ANKS1B: variants seen among roughly 807,000 people sequenced by gnomAD.
ANKS1B encodes ankyrin repeat and sterile alpha motif domain-containing protein 1B.
In ANKS1B, 36 loss-of-function variants were observed where a neutral mutation model predicts 148.3. The observed-to-expected ratio is 0.24, with a 90% confidence interval of 0.19 to 0.32. ANKS1B has a LOEUF of 0.32. Ranked by LOEUF, ANKS1B falls within the 10% of genes least tolerant of loss-of-function variation. The pLI, the probability that ANKS1B is intolerant of heterozygous loss-of-function variation, is 1.00. For missense variants in ANKS1B, 1,157 were observed against 1,542.6 expected (o/e 0.75, Z 4.19); for synonymous variants, 542 against 560.8 (o/e 0.97, Z 0.47).
In ANKS1B at chr12:98,751,548, G is replaced by T. The variant is rs1211194819; in HGVS notation, c.3580-26C>A. On this transcript the variant is annotated intron_variant, in intron 25 of 26. Coordinates refer to ENST00000683438, the MANE Select transcript of ANKS1B (RefSeq NM_001352186.2). The surrounding 1 kb of genome is among the most constrained non-coding windows in gnomAD (Gnocchi z 4.3). ...CTGCAAGAAAAATGAGAAAGCATTTGCTACTGGCACACTGCAAATTAGAAT... is the reference window on the plus strand; with the variant it reads ...CTGCAAGAAAAATGAGAAAGCATTTTCTACTGGCACACTGCAAATTAGAAT... 2.5e-6 allele frequency: 4 copies of T among 1,611,476 alleles called. No individual in the cohort carries two copies. Among genetic ancestry groups the T allele is most frequent in the Non-Finnish European group, 3.4e-6 (4 of 1,178,286 alleles).
chr12:99,717,930 G>A (rs1257673005), intron 8 of ANKS1B, among the ~76,000 whole-genome samples: 3 of 135,146 alleles, frequency 2.2e-5, no homozygotes, highest in Non-Finnish European at 4.7e-5. Context: ...TTGAGACGGA[G>A]TCTCGCTCTG....
intron 1 of ANKS1B, among the ~76,000 whole-genome samples, chr12:99,832,955 A>G (rs2084269762): frequency 6.6e-6 from 1 of 152,178 alleles, no homozygotes; most frequent in African/African-American, 2.4e-5. Context: ...ATTGCAGAAT[A>G]TTGTGTGTGT....
intron 11 of ANKS1B, among the ~76,000 whole-genome samples, chr12:99,417,207 A>G (rs980943582): frequency 2.0e-5 from 3 of 152,186 alleles, no homozygotes; most frequent in African/African-American, 7.2e-5. Context: ...TTTTAAGTCA[A>G]TTATCCATTT....
intron 16 of ANKS1B, chr12:99,083,738 T>G (rs1472045247): frequency 6.6e-6 from 1 of 152,192 alleles, no homozygotes; most frequent in African/African-American, 2.4e-5. Context: ...TAAATGTCTA[T>G]TTCCCTCATA....
intron 1 of ANKS1B, among the ~76,000 whole-genome samples, chr12:99,932,210 G>A (rs2094636643): frequency 6.6e-6 from 1 of 152,146 alleles, no homozygotes; most frequent in Non-Finnish European, 1.5e-5. Flanking sequence ...TGGCTATTGG[G>A]AATAGTGCTG....
At chr12:99,000,268 CTTTTTTTTTT>C (rs905457820) in intron 17 of ANKS1B, among the ~76,000 whole-genome samples, 3 of 125,470 alleles carry the variant, frequency 2.4e-5, no homozygotes, top group African/African-American at 9.2e-5. Context: ...TTTCTTTTTC[CTTTTTTTTTT>C]TTTTTTTTTG....
chr12:99,593,188 G>T (rs1228208758), intron 9 of ANKS1B, among the ~76,000 whole-genome samples: 1 of 152,020 alleles, frequency 6.6e-6, no homozygotes, highest in Non-Finnish European at 1.5e-5. Flanking sequence ...AGCTTTTCAG[G>T]TTAAATTTGG....
intron 8 of ANKS1B, among the ~76,000 whole-genome samples, chr12:99,677,221 C>T (rs1388561857): frequency 6.6e-6 from 1 of 152,176 alleles, no homozygotes; most frequent in African/African-American, 2.4e-5. Context: ...GCCTCATCTC[C>T]GTTTCTAGGT....
chr12:98,793,013 T>C (rs2098900920), intron 22 of ANKS1B, among the ~76,000 whole-genome samples: 1 of 152,212 alleles, frequency 6.6e-6, no homozygotes, highest in Non-Finnish European at 1.5e-5. Context: ...ATAGTAATTC[T>C]CTTTCTAATT....
intron 14 of ANKS1B, among the ~76,000 whole-genome samples, chr12:99,235,945 A>G (rs1345664072): frequency 6.6e-6 from 1 of 152,176 alleles, no homozygotes; most frequent in Non-Finnish European, 1.5e-5. Flanking sequence ...AATCCACCAT[A>G]AAACAATCAT....
At chr12:98,849,816 T>G (rs369110523) in intron 17 of ANKS1B, among the ~76,000 whole-genome samples, 2 of 152,210 alleles carry the variant, frequency 1.3e-5, no homozygotes, top group South Asian at 4.1e-4. Flanking sequence ...TTATAAGATA[T>G]TCACTTCAAT....
intron 14 of ANKS1B, among the ~76,000 whole-genome samples, chr12:99,235,788 T>C (rs565420358): frequency 6.6e-6 from 1 of 152,362 alleles, no homozygotes; most frequent in Non-Finnish European, 1.5e-5. Context: ...AAATTATCAC[T>C]TAATTAACAT....
At chr12:99,926,111 G>A (rs1375262313) in intron 1 of ANKS1B, among the ~76,000 whole-genome samples, 2 of 152,142 alleles carry the variant, frequency 1.3e-5, no homozygotes, top group African/African-American at 2.4e-5. Flanking sequence ...TTTGGATATA[G>A]TAAGAATGAA....
chr12:98,742,758 A>G (rs1005664965), downstream of ANKS1B, among the ~76,000 whole-genome samples: 1 of 152,236 alleles, frequency 6.6e-6, no homozygotes, highest in Admixed American at 6.5e-5. Context: ...TTCTGTGGGA[A>G]GCAGGACTCT....
At chr12:99,369,576 T>A (rs768352014) in intron 12 of ANKS1B, among the ~76,000 whole-genome samples, 1 of 152,116 alleles carries the variant, frequency 6.6e-6, no homozygotes, top group Non-Finnish European at 1.5e-5. Context: ...TATCACTTGA[T>A]TAAGAAATTA....
At chr12:99,843,617 A>G (rs1487739899) in intron 1 of ANKS1B, among the ~76,000 whole-genome samples, 2 of 152,124 alleles carry the variant, frequency 1.3e-5, no homozygotes. Flanking sequence ...ATAGTATTCC[A>G]CAGTGTATAT....
intron 8 of ANKS1B, among the ~76,000 whole-genome samples, chr12:99,763,637 G>A (rs990827999): frequency 1.1e-4 from 16 of 151,504 alleles, no homozygotes; most frequent in African/African-American, 3.6e-4. Flanking sequence ...ACCTGCATAT[G>A]TACCTCACTG....
intron 12 of ANKS1B, among the ~76,000 whole-genome samples, chr12:99,364,466 C>T (rs1021286458): frequency 5.9e-5 from 9 of 152,266 alleles, no homozygotes; most frequent in African/African-American, 2.2e-4. Context: ...ATTGTTACTG[C>T]CATAGCTCTT....
chr12:99,017,069 A>G (rs2099943030), intron 17 of ANKS1B, among the ~76,000 whole-genome samples: 1 of 152,336 alleles, frequency 6.6e-6, no homozygotes, highest in East Asian at 1.9e-4. Flanking sequence ...AGAAATAAAA[A>G]AAAAATTCTA....
Sources: allele counts gnomAD v4.1 joint callset (sites outside exome capture counted in the v4.1 genomes callset), GRCh38; gene constraint gnomAD v4.1.1; non-coding constraint Gnocchi (gnomAD v3.1); transcripts MANE v1.5; gene names NCBI Gene and HGNC (gene_info 2026-07-23, HGNC 2026-07-21).